Variants in RGS3 observed in about 807,000 individuals in gnomAD.
RGS3 encodes regulator of G-protein signalling 3.
RGS3 carries 80 observed loss-of-function variants against 132.6 expected under a neutral mutation model. That is an observed-to-expected ratio of 0.60 (90% CI 0.50 to 0.73). The LOEUF is 0.73. RGS3 is among the 30% of genes least tolerant of loss of function. The probability of loss-of-function intolerance (pLI) is 0.00; values close to 1 mark genes in which losing one functional copy is unlikely to be tolerated. For missense variants in RGS3, 1,382 were observed against 1,530.8 expected (o/e 0.90, Z 1.62); for synonymous variants, 598 against 620.6 (o/e 0.96, Z 0.54).
rs190554119 is a variant in RGS3, at chr9:113,517,227, G to T, written c.1675-314G>T. The T allele has an allele frequency of 2.0e-4, 104 of 523,932 alleles. No homozygotes were observed. The Admixed American group carries it at 2.3e-3, about 11-fold the overall frequency. 32.5% of individuals were successfully genotyped at this position (523,932 alleles called of 1,614,324 possible). A position where few individuals can be genotyped will look rare whatever the true frequency, so the allele number is the denominator to read the frequency against. On this transcript the variant is annotated intron_variant, in intron 15 of 24. Transcript: ENST00000350696. ...GAGGGCCCAGGAGCCCAGTGCAGTG[G>T]GGGGTGAGAGCTGGGGCTGAGGACT... is the stretch of plus-strand genomic sequence containing the variant.
At chr9:113,556,008 A>AAAC (rs959919366) in intron 19 of RGS3, among the ~76,000 whole-genome samples, 53 of 152,146 alleles carry the variant, frequency 3.5e-4, no homozygotes, top group African/African-American at 1.3e-3. Context: ...TTATCCTTGT[A>AAAC]AGCCTGAAAA....
chr9:113,508,442 T>C, intron 13 of RGS3, 99 bp from the exon 12 acceptor site: 6 of 1,240,876 alleles, frequency 4.8e-6, no homozygotes, highest in Non-Finnish European at 7.0e-6. Context: ...CCTGAGGTGC[T>C]CCACTTCCTC....
intron 16 of RGS3, among the ~76,000 whole-genome samples, chr9:113,517,894 C>G (rs1005069964): frequency 2.0e-5 from 3 of 152,176 alleles, no homozygotes; most frequent in Non-Finnish European, 2.9e-5. Flanking sequence ...CCACCTTCCT[C>G]TCAGGAGCAG....
At chr9:113,527,904 G>A (rs984259934) in intron 17 of RGS3, among the ~76,000 whole-genome samples, 36 of 152,332 alleles carry the variant, frequency 2.4e-4, no homozygotes, top group African/African-American at 8.4e-4. Flanking sequence ...AGAGGAGCTG[G>A]ATAGGGCATA....
intron 15 of RGS3, among the ~76,000 whole-genome samples, chr9:113,514,890 C>A (rs1831575859): frequency 1.3e-5 from 2 of 152,156 alleles, no homozygotes; most frequent in African/African-American, 4.8e-5. Context: ...AGGGTCCTCT[C>A]CTTCCCCCAC....
At chr9:113,532,792 T>TG (rs1330153084) in intron 18 of RGS3, among the ~76,000 whole-genome samples, 1 of 152,056 alleles carries the variant, frequency 6.6e-6, no homozygotes, top group Non-Finnish European at 1.5e-5. Context: ...CCTCCCAGGA[T>TG]GGGGGGAGCT....
intron 4 of RGS3, among the ~76,000 whole-genome samples, chr9:113,480,819 A>G (rs972507805): frequency 1.3e-5 from 2 of 152,238 alleles, no homozygotes; most frequent in African/African-American, 4.8e-5. Flanking sequence ...CCATGTGTCC[A>G]TCCTTCCATC....
chr9:113,501,638 C>T, intron 10 of RGS3: 1 of 1,560,310 alleles, frequency 6.4e-7, no homozygotes, highest in Non-Finnish European at 8.7e-7. Context: ...CAGGTGGGTG[C>T]TTGGCCTCTT....
intron 19 of RGS3, among the ~76,000 whole-genome samples, chr9:113,569,845 G>A (rs1834206408): frequency 6.6e-6 from 1 of 152,136 alleles, no homozygotes; most frequent in Admixed American, 6.5e-5. Flanking sequence ...AGTTCAGCCT[G>A]GGAGCCTCAG....
intron 5 of RGS3, 44 bp downstream of exon 3, chr9:113,483,161 C>A: frequency 7.1e-7 from 1 of 1,407,602 alleles, no homozygotes; most frequent in African/African-American, 1.4e-5. Context: ...ATTGAGGGGC[C>A]ATGTTACTGG....
At chr9:113,535,689 G>A (rs1035429536) in intron 18 of RGS3, among the ~76,000 whole-genome samples, 1 of 151,902 alleles carries the variant, frequency 6.6e-6, no homozygotes, top group African/African-American at 2.4e-5. Context: ...ACTGCAAAAT[G>A]AGAAAGGGCT....
intron 3 of RGS3, among the ~76,000 whole-genome samples, chr9:113,477,258 G>C (rs144163524): frequency 1.2e-4 from 18 of 152,316 alleles, no homozygotes; most frequent in Admixed American, 3.3e-4. Context: ...CATGGCCACT[G>C]TGGTCCTGAA....
chr9:113,576,634 T>C (rs1427879092), intron 19 of RGS3, among the ~76,000 whole-genome samples: 1 of 152,098 alleles, frequency 6.6e-6, no homozygotes, highest in African/African-American at 2.4e-5. Flanking sequence ...CCAGCGATTG[T>C]TCTTTCATTC....
chr9:113,508,225 T>C (rs1831231654), intron 13 of RGS3, among the ~76,000 whole-genome samples: 1 of 152,220 alleles, frequency 6.6e-6, no homozygotes, highest in Non-Finnish European at 1.5e-5. Context: ...GGGCACACTT[T>C]AGGGCGTGGT....
Position 113,447,329 on chromosome 9 carries a change from G to GTATATATGTA in RGS3, c.-13+2409_-13+2410insGTATATATAT, listed in dbSNP as rs1305095004. On this transcript the variant is annotated intron_variant, in intron 1 of 25. Coordinates refer to the RGS3 transcript ENST00000374140. ...CCAATAAATTCTGATGTATGTATAT[G>GTATATATGTA]TATATATATATATATATATATATAT... Among the ~76,000 whole-genome samples the GTATATATGTA allele has an allele frequency of 8.4e-4, 23 of 27,540 alleles. 1 individual carries two copies. The highest frequency in any genetic ancestry group is 6.0e-3 in the South Asian group (2 of 334). 18.1% of individuals were successfully genotyped at this position (27,540 alleles called of 152,430 possible).
intron 7 of RGS3, among the ~76,000 whole-genome samples, chr9:113,490,671 A>G (rs1183210367): frequency 6.9e-6 from 1 of 145,066 alleles, no homozygotes; most frequent in Non-Finnish European, 1.5e-5. Flanking sequence ...TATAAATTAT[A>G]TAATATATAA....
intron 7 of RGS3, among the ~76,000 whole-genome samples, chr9:113,494,302 A>G (rs1164553529): frequency 3.9e-5 from 6 of 152,106 alleles, no homozygotes; most frequent in Non-Finnish European, 8.8e-5. Flanking sequence ...TAGTAATCCC[A>G]CCTACCAGAT....
At chr9:113,584,308 G>T in exon 20 of RGS3, 1 of 1,606,336 alleles carries the variant, frequency 6.2e-7, no homozygotes. Flanking sequence ...GCACTGCTCA[G>T]ACGGTGAGGG....
intron 7 of RGS3, among the ~76,000 whole-genome samples, chr9:113,486,258 G>A (rs954506554): frequency 6.6e-6 from 1 of 152,204 alleles, no homozygotes; most frequent in Non-Finnish European, 1.5e-5. Flanking sequence ...GTGGAATTTT[G>A]AACTTGGGCA....
Sources: gnomAD v4.1 joint callset for allele counts (sites outside exome capture counted in the v4.1 genomes callset) on GRCh38, gnomAD v4.1.1 for gene constraint, MANE v1.5 for transcripts, NCBI Gene and HGNC (gene_info 2026-07-23, HGNC 2026-07-21) for gene names.